RBM10: variants seen among roughly 807,000 people sequenced by gnomAD.
The protein encoded by RBM10 is RNA binding motif protein 10, also known as RNA-binding protein 10.
In RBM10, 1 loss-of-function variant was observed where a neutral mutation model predicts 84.9. The observed-to-expected ratio is 0.01, with a 90% CI of 0.00 to 0.06. The LOEUF (loss-of-function observed/expected upper bound fraction) is 0.06. Among genes scored for constraint, RBM10 ranks in the 10% least tolerant of loss-of-function variants. The pLI, the probability that RBM10 is intolerant of heterozygous loss-of-function variation, is 1.00. For missense variants in RBM10, 438 were observed against 839.0 expected, an observed-to-expected ratio of 0.52 and a Z score of 5.90; for synonymous variants, 326 against 344.5, an observed-to-expected ratio of 0.95 and a Z score of 0.60.
rs147591590 is a variant in RBM10, at chrX:47,150,627, G to C, written c.17+3129G>C. Among the ~76,000 whole-genome samples the C allele has an allele frequency of 6.5e-4, 73 of 111,623 alleles. No individual in the cohort carries two copies. In the East Asian group the frequency reaches 0.019, roughly 29 times the overall value. On this transcript the variant is annotated intron_variant, in intron 2 of 23. Transcript: ENST00000377604. Reference sequence around the variant, plus strand: ...TCCATTCTTTCTTTATTGATCTGTGGTACCTCATCTGATTTCAGGTTCCCT... The same window carrying C: ...TCCATTCTTTCTTTATTGATCTGTGCTACCTCATCTGATTTCAGGTTCCCT...
intron 2 of RBM10, among the ~76,000 whole-genome samples, chrX:47,166,581 G>A (rs781933520): frequency 3.7e-5 from 4 of 108,118 alleles, no homozygotes; most frequent in Non-Finnish European, 1.9e-5. Flanking sequence ...CAGTCCTTTC[G>A]CCTCAGCCTC....
intron 7 of RBM10, among the ~76,000 whole-genome samples, chrX:47,178,072 C>T (rs782698534): frequency 5.4e-5 from 6 of 111,418 alleles, no homozygotes; most frequent in African/African-American, 1.6e-4. Flanking sequence ...CTGTGGAGCC[C>T]TCTCTGGTAT....
In RBM10 at chrX:47,186,699, C is replaced by G. The variant is rs1935944115; in HGVS notation, c.*100C>G. 9.6e-7 allele frequency: 1 copy of G among 1,046,240 alleles called. No homozygotes were observed. The highest frequency in any genetic ancestry group is 3.1e-5 in the East Asian group (1 of 32,758). The allele number at this position is 1,046,240 out of a possible 1,213,427, so 86.2% of individuals were successfully genotyped here. On this transcript the variant is annotated 3_prime_UTR_variant, in exon 24 of 24. Coordinates refer to ENST00000377604, the MANE Select transcript of RBM10 (RefSeq NM_005676.5). ...GGGACGGGGCCTTGCTCTTGTCGGCCAGCCCACTCCCCAGCCAGAGAGGGC... is the reference window on the plus strand; with the variant it reads ...GGGACGGGGCCTTGCTCTTGTCGGCGAGCCCACTCCCCAGCCAGAGAGGGC...
At chrX:47,157,226 TG>T in intron 2 of RBM10, 1 of 286,901 alleles carries the variant, frequency 3.5e-6, no homozygotes. Context: ...GTGGTCACAT[TG>T]TGTCCGCGGA....
rs781858002 is a variant in RBM10, at chrX:47,186,484, G to A, written c.2678G>A (p.Arg893Gln). Residue 893 changes from arginine to glutamine, a missense_variant, in exon 24 of 24, where the codon CGG becomes CAG. Physicochemically the swap from Arg to Gln is conservative, Grantham distance 43. Around this residue, in one of 8 missense-constraint regions of RBM10, gnomAD observed 92 missense variants for 199.9 expected, o/e 0.46. Transcript: ENST00000377604. ...GIVTPIEAQT[R>Q]VRGSGLGARG... ...GCCTCCCTCACACAGGCCCAAACAC[G>A]GGTGCGGGGCTCCGGCCTGGGTGCA... The A allele has an allele frequency of 1.7e-6, 2 of 1,206,725 alleles. No homozygotes were observed. Among genetic ancestry groups the A allele is most frequent in the Admixed American group, 2.2e-5 (1 of 45,553 alleles).
intron 2 of RBM10, among the ~76,000 whole-genome samples, chrX:47,152,761 A>G (rs1263211382): frequency 4.4e-5 from 4 of 91,804 alleles, no homozygotes; most frequent in South Asian, 5.8e-4. Flanking sequence ...CTATAGCTCT[A>G]TATCTTTACA....
At chrX:47,145,609 C>A in intron 1 of RBM10, 124 bp downstream of exon 1, 7 of 215,551 alleles carry the variant, frequency 3.2e-5, no homozygotes, top group Non-Finnish European at 5.3e-5. Flanking sequence ...TGCAATGTCT[C>A]AACCCGGGAG....
In RBM10 at chrX:47,171,258, C is replaced by T. The variant is rs1038202360; in HGVS notation, c.432C>T (p.Asp144=). The T allele has an allele frequency of 7.4e-6, 9 of 1,208,508 alleles. No individual in the cohort carries two copies. The African/African-American group carries it at 1.0e-4, about 14-fold the overall frequency. ...RMLPQAATED[D]IRGQLQSHGV... ...TGCCACAGGCAGCCACTGAGGATGA[C>T]GTACGTGCCCCCCATGGCCCCGGGC... is the stretch of plus-strand genomic sequence containing the variant. The change falls in exon 4 of 24, where the codon GAC becomes GAT. Residue 144 remains aspartate, a splice_region_variant and synonymous_variant. Transcript: ENST00000377604.
In RBM10 at chrX:47,145,283, CTG is replaced by C. The variant is rs1932009172; in HGVS notation, c.-325_-324del. 1 of 553,144 alleles carries C rather than the reference CTG, an allele frequency of 1.8e-6. No individual in the cohort carries two copies. The highest frequency in any genetic ancestry group is 2.3e-5 in the African/African-American group (1 of 44,169). The allele number at this position is 553,144 out of a possible 1,213,427, so 45.6% of individuals were successfully genotyped here. A position where few individuals can be genotyped will look rare whatever the true frequency, so the allele number is the denominator to read the frequency against. Reference sequence around the variant, plus strand: ...CGTCGTCGCCATTTTGAGCTGGTGACTGTGGCCGGCTGGGAGTAGGCGGCAGT... The same window carrying C: ...CGTCGTCGCCATTTTGAGCTGGTGACTGGCCGGCTGGGAGTAGGCGGCAGT... On this transcript the variant is annotated 5_prime_UTR_variant, in exon 1 of 24. Transcript: ENST00000377604.
chrX:47,172,982 C>A, intron 4 of RBM10, 146 bp from the exon 5 acceptor site: 1 of 1,139,623 alleles, frequency 8.8e-7, no homozygotes, highest in Admixed American at 2.6e-5. Context: ...GGGCTGTTGT[C>A]ACTCAGGGAA....
chrX:47,148,962 A>G (rs1395478144), intron 2 of RBM10, among the ~76,000 whole-genome samples: 1 of 107,400 alleles, frequency 9.3e-6, no homozygotes, highest in African/African-American at 3.4e-5. Flanking sequence ...TAGAAAATGT[A>G]TCATAGATTT....
intron 2 of RBM10, among the ~76,000 whole-genome samples, chrX:47,150,414 C>T (rs1213577845): frequency 4.5e-5 from 5 of 111,642 alleles, no homozygotes; most frequent in African/African-American, 9.8e-5. Flanking sequence ...GTGATCCACC[C>T]GCCTTGGCCT....
At chrX:47,169,709 C>T (rs1934501988) in intron 3 of RBM10, among the ~76,000 whole-genome samples, 1 of 112,052 alleles carries the variant, frequency 8.9e-6, no homozygotes, top group Non-Finnish European at 1.9e-5. Context: ...ACATGCTTGG[C>T]TCTGTACTTC....
rs953418724 is a variant in RBM10 at position 47,186,382 on chromosome X, A to G, written c.2662A>G (p.Ile888Val). The G allele has an allele frequency of 5.0e-6, 6 of 1,194,181 alleles. No homozygotes were observed. The highest frequency in any genetic ancestry group is 1.8e-5 in the South Asian group (1 of 54,781). ...GRKKQGIVTP[I>V]EAQTRVRGSG... is the part of the protein sequence containing the mutation. ...CAAGAAGCAGGGCATTGTAACGCCT[A>G]TCGAGGTGAGTCTCAGGCAGTCCTG... The change falls in exon 23 of 24, where the codon ATC becomes GTC. Residue 888 changes from isoleucine to valine, a missense_variant. This residue lies in a region of RBM10 where 92 missense variants were observed against 199.9 expected (regional missense o/e 0.46). Coordinates refer to ENST00000377604, the MANE Select transcript of RBM10 (RefSeq NM_005676.5).
chrX:47,171,680 CT>C (rs1934686353), intron 4 of RBM10, among the ~76,000 whole-genome samples: 1 of 112,587 alleles, frequency 8.9e-6, no homozygotes, highest in African/African-American at 3.2e-5. Flanking sequence ...AAATTTCCTT[CT>C]CTTTTTCCCC....
chrX:47,186,474 G>A lies in RBM10; in HGVS notation c.2668G>A (p.Ala890Thr). 2.5e-6 allele frequency: 3 copies of A among 1,206,438 alleles called. No individual in the cohort carries two copies. The highest frequency in any genetic ancestry group is 3.4e-6 in the Non-Finnish European group (3 of 892,591). Residue 890 changes from alanine (A) to threonine (T), a missense_variant and splice_region_variant, in exon 24 of 24, where the codon GCC becomes ACC. By Grantham distance (58) the Ala-to-Thr change is moderately conservative. This residue lies in a region of RBM10 where 92 missense variants were observed against 199.9 expected (regional missense o/e 0.46). Transcript: ENST00000377604. ...KKQGIVTPIE[A>T]QTRVRGSGLG... is the part of the protein sequence containing the mutation. Reference sequence around the variant, plus strand: ...GACAGAGCCTGCCTCCCTCACACAGGCCCAAACACGGGTGCGGGGCTCCGG... The same window carrying A: ...GACAGAGCCTGCCTCCCTCACACAGACCCAAACACGGGTGCGGGGCTCCGG...
chrX:47,185,686 T>C, intron 20 of RBM10, 30 bp from the exon 21 acceptor site: 1 of 1,210,504 alleles, frequency 8.3e-7, no homozygotes, highest in Non-Finnish European at 1.1e-6. Context: ...AGGCTCATCC[T>C]CTTCACTTCT....
At chrX:47,164,343 C>T (rs1221745581) in intron 2 of RBM10, among the ~76,000 whole-genome samples, 1 of 110,285 alleles carries the variant, frequency 9.1e-6, no homozygotes, top group African/African-American at 3.3e-5. Context: ...TCATGACCAG[C>T]TTGACTTAAC....
rs1235581603 is a variant in RBM10 at position 47,173,313 on chromosome X, A to G, written c.502+116A>G. ...CACCACCTTCCTGCCACAGCTGGGA[A>G]TGGGCAGCGTGGGGGGTGCCCTCTC... On this transcript the variant is annotated intron_variant, in intron 5 of 23. Transcript: ENST00000377604. 5.2e-6 allele frequency: 6 copies of G among 1,160,829 alleles called. No homozygotes were observed. In the Admixed American group the frequency reaches 1.3e-4, roughly 25 times the overall value.
Sources: gnomAD v4.1 joint callset for allele counts (sites outside exome capture counted in the v4.1 genomes callset) on GRCh38, gnomAD v4.1.1 for gene constraint, gnomAD v4.1.1 regional missense constraint, MANE v1.5 for transcripts, NCBI Gene and HGNC (gene_info 2026-07-23, HGNC 2026-07-21) for gene names.